Variants in STX17 observed in about 807,000 individuals in gnomAD.
STX17 encodes syntaxin 17.
STX17 carries 29 observed loss-of-function variants against 35.9 expected under a neutral mutation model. That is an observed-to-expected ratio of 0.81 (90% confidence interval 0.60 to 1.10). The LOEUF (loss-of-function observed/expected upper bound fraction) is 1.10. Ranked by LOEUF, STX17 falls within the 50% of genes least tolerant of loss-of-function variation. STX17 has a pLI of 0.00. For synonymous variants in STX17, 92 were observed against 118.3 expected, an observed-to-expected ratio of 0.78 and a Z score of 1.44; for missense variants, 312 against 352.3, an observed-to-expected ratio of 0.89 and a Z score of 0.92.
At position 99,968,496 on chromosome 9, in the gene STX17, G is replaced by A. The variant is rs528702982; in HGVS notation, c.732G>A (p.Gly244=). Residue 244 remains glycine (G), a synonymous_variant, in exon 8 of 8, where the codon GGG becomes GGA. Coordinates refer to ENST00000259400, the MANE Select transcript of STX17 (RefSeq NM_017919.3). ...GTGCACTCATCGGGGGAATGGTAGGGGGTCCTATTGGCCTCCTTGCAGGCT... is the reference window on the plus strand; with the variant it reads ...GTGCACTCATCGGGGGAATGGTAGGAGGTCCTATTGGCCTCCTTGCAGGCT... ...VAGALIGGMV[G]GPIGLLAGFK... 1 of 1,611,480 alleles carries A rather than the reference G, an allele frequency of 6.2e-7. No individual in the cohort carries two copies.
At position 99,954,163 on chromosome 9, in the gene STX17, A is replaced by G. The variant is rs1348711538; in HGVS notation, c.415+2878A>G. 4 of 152,204 alleles carry G rather than the reference A, an allele frequency of 2.6e-5. No individual in the cohort carries two copies. The South Asian group carries it at 8.3e-4, about 32-fold the overall frequency. 9.4% of individuals were successfully genotyped at this position (152,204 alleles called of 1,614,324 possible). On this transcript the variant is annotated intron_variant, in intron 4 of 7. Transcript: ENST00000259400. ...AACTTCTCAATTCACCAAATGGGCTATTAAAGACCTAATTACTAGGAGAAA... is the reference window on the plus strand; with the variant it reads ...AACTTCTCAATTCACCAAATGGGCTGTTAAAGACCTAATTACTAGGAGAAA...
intron 1 of STX17, among the ~76,000 whole-genome samples, chr9:99,914,525 T>G (rs1424196967): frequency 1.3e-5 from 2 of 152,222 alleles, no homozygotes; most frequent in African/African-American, 4.8e-5. Context: ...CAATGTAATT[T>G]CAGAAAATCT....
intron 2 of STX17, among the ~76,000 whole-genome samples, chr9:99,928,031 G>C (rs977093651): frequency 3.9e-5 from 6 of 152,026 alleles, no homozygotes; most frequent in African/African-American, 1.4e-4. Context: ...TTGGGAATGT[G>C]TAAAGTATCA....
chr9:99,915,747 C>G (rs1378318491), intron 2 of STX17, among the ~76,000 whole-genome samples: 1 of 152,132 alleles, frequency 6.6e-6, no homozygotes, highest in African/African-American at 2.4e-5. Flanking sequence ...TTTGGAGAAA[C>G]AAGTTCTTGC....
At chr9:99,964,017 G>A (rs1411480252) in intron 6 of STX17, among the ~76,000 whole-genome samples, 1 of 152,104 alleles carries the variant, frequency 6.6e-6, no homozygotes, top group Non-Finnish European at 1.5e-5. Flanking sequence ...CGTACCTGGA[G>A]TTTTGGTATT....
chr9:99,909,399 A>G (rs1044924363), intron 1 of STX17, among the ~76,000 whole-genome samples: 1 of 152,242 alleles, frequency 6.6e-6, no homozygotes, highest in African/African-American at 2.4e-5. Context: ...GTGAAGAAAT[A>G]TTTTAGTTCA....
At chr9:99,933,236 A>G (rs550164354) in intron 3 of STX17, among the ~76,000 whole-genome samples, 1 of 152,300 alleles carries the variant, frequency 6.6e-6, no homozygotes, top group Non-Finnish European at 1.5e-5. Flanking sequence ...CCAAAGATGC[A>G]TGTAACTCCA....
At position 99,968,839 on chromosome 9, in the gene STX17, G is replaced by T; in HGVS notation, c.*166G>T. ...TGGATATATTTTGTTGTTTGCTGGG[G>T]TGTTCATGGAGATGTTAAGAGATTG... On this transcript the variant is annotated 3_prime_UTR_variant, in exon 8 of 8. Transcript: ENST00000259400. The T allele has an allele frequency of 5.5e-6, 6 of 1,098,534 alleles. No individual in the cohort carries two copies. The highest frequency in any genetic ancestry group is 5.4e-5 in the South Asian group (3 of 55,858). The allele number at this position is 1,098,534 out of a possible 1,614,324, so 68.0% of individuals were successfully genotyped here. A position where few individuals can be genotyped will look rare whatever the true frequency, so the allele number is the denominator to read the frequency against.
chr9:99,938,745 C>A (rs557929034), intron 3 of STX17, among the ~76,000 whole-genome samples: 1 of 150,162 alleles, frequency 6.7e-6, no homozygotes, highest in Admixed American at 6.6e-5. Flanking sequence ...CATGATCATG[C>A]CACTGCACTC....
intron 4 of STX17, among the ~76,000 whole-genome samples, chr9:99,959,369 T>A (rs1180700478): frequency 6.6e-6 from 1 of 150,562 alleles, no homozygotes; most frequent in Non-Finnish European, 1.5e-5. Context: ...ATAGCAAGAC[T>A]GTGTGTCAAT....
chr9:99,959,471 T>G (rs1320436180), intron 4 of STX17, among the ~76,000 whole-genome samples: 2 of 150,388 alleles, frequency 1.3e-5, no homozygotes, highest in Non-Finnish European at 3.0e-5. Context: ...TTTTTTTTTT[T>G]TTTTTGAGGC....
intron 3 of STX17, among the ~76,000 whole-genome samples, chr9:99,941,926 G>A (rs1829373204): frequency 6.6e-6 from 1 of 152,056 alleles, no homozygotes; most frequent in South Asian, 2.1e-4. Flanking sequence ...TATTATAAAT[G>A]CTATTAACAT....
intron 6 of STX17, 111 bp downstream of exon 6, chr9:99,960,266 C>A: frequency 9.0e-7 from 1 of 1,114,586 alleles, no homozygotes; most frequent in Non-Finnish European, 1.3e-6. Flanking sequence ...ATTTTTAAGA[C>A]TGGTATTAAG....
chr9:99,912,564 G>T (rs553015762), intron 1 of STX17, among the ~76,000 whole-genome samples: 1 of 152,202 alleles, frequency 6.6e-6, no homozygotes, highest in Admixed American at 6.5e-5. Flanking sequence ...CCTTTATACA[G>T]GTTGTGTCTT....
chr9:99,942,826 T>C (rs777263952), intron 3 of STX17, among the ~76,000 whole-genome samples: 2 of 152,182 alleles, frequency 1.3e-5, no homozygotes, highest in African/African-American at 2.4e-5. Context: ...AGTGCTACTT[T>C]TGTCGTAAGT....
intron 3 of STX17, among the ~76,000 whole-genome samples, chr9:99,934,698 T>C (rs192345521): frequency 1.5e-4 from 23 of 152,330 alleles, no homozygotes; most frequent in Non-Finnish European, 2.9e-4. Context: ...AGATTAATTA[T>C]TATGATACCA....
At chr9:99,915,151 A>C in intron 1 of STX17, 27 bp from the exon 2 acceptor site, 1 of 1,394,238 alleles carries the variant, frequency 7.2e-7, no homozygotes. Context: ...ATTTGAAAAC[A>C]TTCTTAAAGA....
chr9:99,940,887 A>C (rs1452439464), intron 3 of STX17, among the ~76,000 whole-genome samples: 1 of 152,230 alleles, frequency 6.6e-6, no homozygotes, highest in Admixed American at 6.5e-5. Flanking sequence ...TGATCAAATT[A>C]TCTTTCCTAA....
intron 2 of STX17, among the ~76,000 whole-genome samples, chr9:99,925,893 T>C (rs1290216872): frequency 3.9e-5 from 6 of 152,062 alleles, no homozygotes; most frequent in Non-Finnish European, 7.4e-5. Context: ...TTTTCTCAAA[T>C]GTAGAAAATC....
Sources: gnomAD v4.1 joint callset for allele counts (sites outside exome capture counted in the v4.1 genomes callset) on GRCh38, gnomAD v4.1.1 for gene constraint, MANE v1.5 for transcripts, NCBI Gene and HGNC (gene_info 2026-07-23, HGNC 2026-07-21) for gene names.